Variants in GSE1 observed in about 807,000 individuals in gnomAD.
GSE1 encodes the protein genetic suppressor element 1.
A neutral mutation model predicts 112.6 loss-of-function variants in GSE1; 32 were observed. The ratio of observed to expected loss-of-function variants is 0.28; its 90% CI spans 0.21 to 0.38. The LOEUF is 0.38. Among genes scored for constraint, GSE1 ranks in the 10% least tolerant of loss-of-function variants. The pLI, the probability that GSE1 is intolerant of heterozygous loss-of-function variation, is 1.00. For missense variants in GSE1, 2,348 were observed against 1,699.2 expected (o/e 1.38, Z -6.71); for synonymous variants, 1,115 against 735.6 (o/e 1.52, Z -8.35).
At chr16:85,662,763 C>A in intron 9 of GSE1, 1 of 541,364 alleles carries the variant, frequency 1.8e-6, no homozygotes, top group Non-Finnish European at 3.3e-6. Flanking sequence ...TACTGGGAGC[C>A]ATGGATCCCA....
chr16:85,298,333 C>G (rs1383170623), intron 1 of GSE1, among the ~76,000 whole-genome samples: 2 of 152,228 alleles, frequency 1.3e-5, no homozygotes, highest in African/African-American at 4.8e-5. Context: ...ATCTCCACCT[C>G]CTTCTTAAAC....
In GSE1 at chr16:85,666,213, A is replaced by C. The variant is rs1428258133; in HGVS notation, c.2996A>C (p.Asp999Ala). Reference protein sequence around the residue: ...LHYIRGAAPKDIPVPLSHSTN... With the variant: ...LHYIRGAAPKAIPVPLSHSTN... ...TATATCCGGGGCGCTGCACCCAAGG[A>C]CATTCCTGTGCCGCTGTCCCACAGC... The change falls in exon 13 of 16, where the codon GAC becomes GCC. Residue 999 changes from aspartate (D) to alanine (A), a missense_variant. Transcript: ENST00000253458. The C allele has an allele frequency of 6.2e-7, 1 of 1,613,576 alleles. No homozygotes were observed. Among genetic ancestry groups the C allele is most frequent in the Non-Finnish European group, 8.5e-7 (1 of 1,180,052 alleles).
chr16:85,418,127 G>A lies in GSE1; in HGVS notation c.2464+60484G>A, dbSNP rs111788387. ...ACTGGGATTACAGGCGTGAGCCACC[G>A]CGCCTGGCTGGAGGCTGCATTTCTA... On this transcript the variant is annotated intron_variant, in intron 2 of 2. Coordinates refer to the GSE1 transcript ENST00000637419. Among the ~76,000 whole-genome samples, 854 of 152,342 alleles carry A rather than the reference G, an allele frequency of 5.6e-3. 7 individuals carry two copies. The highest frequency in any genetic ancestry group is 0.019 in the African/African-American group (795 of 41,596).
intron 15 of GSE1, among the ~76,000 whole-genome samples, chr16:85,671,475 C>T (rs967699300): frequency 2.0e-4 from 27 of 134,122 alleles, no homozygotes; most frequent in Non-Finnish European, 1.6e-4. Flanking sequence ...ATTTGGACTG[C>T]ATGCAATGGC....
At chr16:85,549,206 G>A (rs1487669498) in intron 2 of GSE1, among the ~76,000 whole-genome samples, 1 of 146,510 alleles carries the variant, frequency 6.8e-6, no homozygotes, top group Non-Finnish European at 1.5e-5. Context: ...CAGGGTCTTT[G>A]CTCTGTCGCC....
intron 2 of GSE1, among the ~76,000 whole-genome samples, chr16:85,391,947 G>T (rs768997724): frequency 6.6e-6 from 1 of 152,140 alleles, no homozygotes; most frequent in Admixed American, 6.5e-5. Context: ...GTCCCCAGGA[G>T]TCACTCCAGC....
rs560356645 is a variant in GSE1 at position 85,634,095 on chromosome 16, G to A, written c.189G>A (p.Ala63=). 8.2e-6 allele frequency: 13 copies of A among 1,580,582 alleles called. No individual in the cohort carries two copies. The highest frequency in any genetic ancestry group is 4.1e-5 in the African/African-American group (3 of 73,492). ...QAAPSSSFAA[A]LRKLAKQAEE... is the part of the protein sequence containing the mutation. ...CGCCATCCTCCAGCTTTGCCGCCGCGCTGCGCAAGCTCGCCAAACAGGCGG... is the reference window on the plus strand; with the variant it reads ...CGCCATCCTCCAGCTTTGCCGCCGCACTGCGCAAGCTCGCCAAACAGGCGG... The change falls in exon 2 of 16, where the codon GCG becomes GCA. Residue 63 remains alanine, a synonymous_variant. Coordinates refer to ENST00000253458, the MANE Select transcript of GSE1 (RefSeq NM_014615.5).
chr16:85,230,099 T>C (rs1904274614), intron 1 of GSE1, among the ~76,000 whole-genome samples: 1 of 152,206 alleles, frequency 6.6e-6, no homozygotes, highest in South Asian at 2.1e-4. Flanking sequence ...TGCTCCATCA[T>C]GGGTTCTCCC....
exon 1 of GSE1, chr16:85,170,076 G>T (rs887232087): frequency 2.8e-5 from 28 of 984,862 alleles, no homozygotes; most frequent in Non-Finnish European, 3.4e-5. Context: ...CCCTTTCCGA[G>T]CCCGACCCGC....
intron 2 of GSE1, among the ~76,000 whole-genome samples, chr16:85,505,053 C>T (rs2051493913): frequency 6.6e-6 from 1 of 152,214 alleles, no homozygotes; most frequent in South Asian, 2.1e-4. Flanking sequence ...CCCAGCACTC[C>T]CATCCCTCAC....
intron 2 of GSE1, among the ~76,000 whole-genome samples, chr16:85,512,650 T>A (rs2051786966): frequency 6.6e-6 from 1 of 152,066 alleles, no homozygotes; most frequent in Non-Finnish European, 1.5e-5. Flanking sequence ...TATATAAACA[T>A]CAATTACAGG....
chr16:85,434,939 C>G (rs1275782956), intron 2 of GSE1, among the ~76,000 whole-genome samples: 1 of 152,238 alleles, frequency 6.6e-6, no homozygotes, highest in East Asian at 1.9e-4. Flanking sequence ...TCCCTGTCCC[C>G]TCCCCAAACT....
chr16:85,432,010 C>T lies in GSE1; in HGVS notation c.2464+74367C>T, dbSNP rs568488176. Among the ~76,000 whole-genome samples, 11 of 152,310 alleles carry T rather than the reference C, an allele frequency of 7.2e-5. No homozygotes were observed. The Middle Eastern group carries it at 0.01, about 141-fold the overall frequency. ...CCTGGTGGAATCCTCGCCGCCTGGG[C>T]GAGTGCTGGGACGCACACCGGAGGT... On this transcript the variant is annotated intron_variant, in intron 2 of 2. Coordinates refer to the GSE1 transcript ENST00000637419.
At chr16:85,581,058 G>A (rs2046427304) in intron 1 of GSE1, among the ~76,000 whole-genome samples, 1 of 152,238 alleles carries the variant, frequency 6.6e-6, no homozygotes, top group South Asian at 2.1e-4. Flanking sequence ...AGGTCAGAGG[G>A]ACACTGGTGG....
At chr16:85,467,458 A>G (rs892507962) in intron 2 of GSE1, among the ~76,000 whole-genome samples, 1 of 152,168 alleles carries the variant, frequency 6.6e-6, no homozygotes, top group East Asian at 1.9e-4. Flanking sequence ...CTCGCCTGGG[A>G]TCTCATGTTG....
chr16:85,190,738 C>A (rs934624078), intron 1 of GSE1, among the ~76,000 whole-genome samples: 2 of 152,236 alleles, frequency 1.3e-5, no homozygotes, highest in Admixed American at 6.5e-5. Context: ...CAATAGATAT[C>A]CTGGTATTTT....
intron 2 of GSE1, among the ~76,000 whole-genome samples, chr16:85,509,061 G>GATAATCTCTACA (rs2051642537): frequency 6.6e-6 from 1 of 152,190 alleles, no homozygotes; most frequent in South Asian, 2.1e-4. Context: ...GGAAGAGGAG[G>GATAATCTCTACA]GATCCAGGTG....
chr16:85,578,273 AC>A (rs1466189579), intron 1 of GSE1, among the ~76,000 whole-genome samples: 1 of 151,960 alleles, frequency 6.6e-6, no homozygotes, highest in African/African-American at 2.4e-5. Flanking sequence ...GGGATAAATT[AC>A]CCCTTCATCA....
intron 1 of GSE1, among the ~76,000 whole-genome samples, chr16:85,346,501 AGATG>A (rs2046742306): frequency 1.5e-5 from 2 of 136,706 alleles, no homozygotes; most frequent in African/African-American, 5.6e-5. Context: ...ACAGGTAGAT[AGATG>A]GGTGATGGAT....
Sources: gnomAD v4.1 joint callset for allele counts (sites outside exome capture counted in the v4.1 genomes callset) on GRCh38, gnomAD v4.1.1 for gene constraint, MANE v1.5 for transcripts, NCBI Gene and HGNC (gene_info 2026-07-23, HGNC 2026-07-21) for gene names.